The following NOTCH2 variants were observed in gnomAD, a reference collection of about 807,000 sequenced individuals.
NOTCH2 encodes the protein notch receptor 2.
Under a neutral mutation model 235.8 loss-of-function variants are expected in NOTCH2, and 29 were observed. The observed-to-expected ratio is 0.12, with a 90% CI of 0.09 to 0.17. The LOEUF is 0.17. Ranked by LOEUF, NOTCH2 falls within the 10% of genes least tolerant of loss-of-function variation. The probability of loss-of-function intolerance (pLI) is 1.00; values close to 1 mark genes in which losing one functional copy is unlikely to be tolerated. For synonymous variants in NOTCH2, 1,086 were observed against 1,141.5 expected (o/e 0.95, Z 0.98); for missense variants, 2,285 against 3,150.2 (o/e 0.73, Z 6.57).
In NOTCH2 at chr1:119,916,363, G is replaced by A. The variant is rs2101144408; in HGVS notation, c.6359C>T (p.Ala2120Val). Residue 2120 changes from alanine (A) to valine (V), a missense_variant, in exon 34 of 34, where the codon GCC (alanine) becomes GTC (valine). Around this residue, in one of 6 missense-constraint regions of NOTCH2, gnomAD observed 504 missense variants for 538.0 expected, o/e 0.94. Coordinates refer to ENST00000256646, the MANE Select transcript of NOTCH2 (RefSeq NM_024408.4). ...ACCCTTGGCATCCTTTGCCTCCTTGGCAAGGTTAGGGAGGCTAGTAGGCAT... is the reference window on the plus strand; with the variant it reads ...ACCCTTGGCATCCTTTGCCTCCTTGACAAGGTTAGGGAGGCTAGTAGGCAT... The part of the protein sequence containing the change: ...STMPTSLPNL[A>V]KEAKDAKGSR... 1 of 1,614,160 alleles carries A rather than the reference G, an allele frequency of 6.2e-7. No homozygotes were observed. The highest frequency in any genetic ancestry group is 8.5e-7 in the Non-Finnish European group (1 of 1,180,022).
chr1:119,920,491 TC>T, intron 29 of NOTCH2, 94 bp from the exon 30 acceptor site: 2 of 1,364,684 alleles, frequency 1.5e-6, no homozygotes, highest in Non-Finnish European at 2.1e-6. Context: ...GCTGCTTATC[TC>T]CCATTGTTTT....
chr1:119,945,123 T>C (rs1160588487), intron 17 of NOTCH2, among the ~76,000 whole-genome samples: 5 of 152,130 alleles, frequency 3.3e-5, no homozygotes, highest in Admixed American at 2.0e-4. Flanking sequence ...TTCTCCTCTA[T>C]ATGAAGTGGT....
At position 119,949,270 on chromosome 1, in the gene NOTCH2, A is replaced by G. The variant is rs1650371489; in HGVS notation, c.2480-144T>C. 4.8e-6 allele frequency: 4 copies of G among 825,722 alleles called. No homozygotes were observed. In the Admixed American group the frequency reaches 8.3e-5, roughly 17 times the overall value. 51.1% of individuals were successfully genotyped at this position (825,722 alleles called of 1,614,324 possible). A position where few individuals can be genotyped will look rare whatever the true frequency, so the allele number is the denominator to read the frequency against. ...TGGAGAAGCCCATGATCTTTCCAGC[A>G]TTGGCTCTGATATTGTTAACTGTGT... On this transcript the variant is annotated intron_variant, in intron 15 of 33. Coordinates refer to ENST00000256646, the MANE Select transcript of NOTCH2 (RefSeq NM_024408.4).
chr1:119,987,478 T>C (rs587699143), intron 4 of NOTCH2, among the ~76,000 whole-genome samples: 1 of 152,314 alleles, frequency 6.6e-6, no homozygotes, highest in Non-Finnish European at 1.5e-5. Flanking sequence ...CCTAATTAAA[T>C]TTAAGTTCCT....
Position 119,925,787 on chromosome 1 carries a change from C to G in NOTCH2, c.4029G>C (p.Gln1343His), listed in dbSNP as rs1299994808. 1 of 1,614,046 alleles carries G rather than the reference C, an allele frequency of 6.2e-7. No individual in the cohort carries two copies. The highest frequency in any genetic ancestry group is 8.5e-7 in the Non-Finnish European group (1 of 1,180,050). Residue 1343 changes from glutamine (Q) to histidine (H), a missense_variant, in exon 25 of 34, where the codon CAG becomes CAC. Gln to His is a conservative substitution (Grantham distance 24, BLOSUM62 0). Coordinates refer to ENST00000256646, the MANE Select transcript of NOTCH2 (RefSeq NM_024408.4). ...CPPGFSGARC[Q>H]SSCGQVKCRK... Reference sequence around the variant, plus strand: ...TACATTTCACTTGTCCACAGCTGCTCTGGCACCTTGCCCCGGAAAATCCCT... The same window carrying G: ...TACATTTCACTTGTCCACAGCTGCTGTGGCACCTTGCCCCGGAAAATCCCT...
At position 119,966,500 on chromosome 1, in the gene NOTCH2, C is replaced by A. The variant is rs781975437; in HGVS notation, c.1454-11G>T. ...GCACACCTTTGAAACCTAAACAAAA[C>A]AGACCACACAAGTGGCTTAAAGAGA... On this transcript the variant is annotated splice_polypyrimidine_tract_variant and intron_variant, in intron 8 of 33. Transcript: ENST00000256646. The A allele has an allele frequency of 3.1e-6, 5 of 1,587,588 alleles. No homozygotes were observed. Among genetic ancestry groups the A allele is most frequent in the Non-Finnish European group, 4.3e-6 (5 of 1,155,968 alleles).
At chr1:119,982,098 C>T (rs1285682584) in intron 5 of NOTCH2, among the ~76,000 whole-genome samples, 1 of 152,118 alleles carries the variant, frequency 6.6e-6, no homozygotes, top group Non-Finnish European at 1.5e-5. Flanking sequence ...AGCTCATGCA[C>T]CACCTCTGGC....
rs1553198250 is a variant in NOTCH2 at position 119,955,117 on chromosome 1, G to C, written c.2142C>G (p.His714Gln). 3 of 1,614,058 alleles carry C rather than the reference G, an allele frequency of 1.9e-6. No homozygotes were observed. The African/African-American group carries it at 4.0e-5, about 22-fold the overall frequency. The change falls in exon 13 of 34, where the codon CAC (histidine) becomes CAG (glutamine). Residue 714 changes from histidine (H) to glutamine (Q), a missense_variant. His to Gln is a conservative substitution (Grantham distance 24, BLOSUM62 0). Around this residue, in one of 6 missense-constraint regions of NOTCH2, gnomAD observed 1,173 missense variants for 1,515.3 expected, o/e 0.77. Transcript: ENST00000256646. ...CGTTCACCTGTGAGTAGCAGCTGGG[G>C]TGATGGGGTCCCTCGGGGCATATAC... is the stretch of plus-strand genomic sequence containing the variant. ...FRCICPEGPH[H>Q]PSCYSQVNEC...
chr1:119,950,867 G>A, intron 14 of NOTCH2, 30 bp from the exon 15 acceptor site: 1 of 1,403,558 alleles, frequency 7.1e-7, no homozygotes, highest in Non-Finnish European at 1.0e-6. Flanking sequence ...ACCAAAAACA[G>A]TAAAACTTTC....
At chr1:119,958,612 G>A (rs1424840084) in intron 12 of NOTCH2, among the ~76,000 whole-genome samples, 2 of 152,198 alleles carry the variant, frequency 1.3e-5, no homozygotes, top group Non-Finnish European at 2.9e-5. Context: ...AAACTCAGGT[G>A]TGTCAGTGAG....
At chr1:120,064,638 A>T (rs1655434030) in intron 1 of NOTCH2, among the ~76,000 whole-genome samples, 1 of 150,018 alleles carries the variant, frequency 6.7e-6, no homozygotes, top group Non-Finnish European at 1.5e-5. Context: ...GCCCTCAAGG[A>T]TCAAAATCAT....
chr1:120,069,479 A>G lies in NOTCH2; in HGVS notation c.-73T>C. On this transcript the variant is annotated 5_prime_UTR_variant, in exon 1 of 34. Transcript: ENST00000256646. ...ATCCACATGGGGAGGGGGTCCCGAT[A>G]GAGGAGCCCCACTCTCTCCTCCCCT... The G allele has an allele frequency of 6.7e-7, 1 of 1,495,918 alleles. No homozygotes were observed. 92.7% of individuals were successfully genotyped at this position (1,495,918 alleles called of 1,614,324 possible).
chr1:119,984,302 T>C (rs1553201990), intron 5 of NOTCH2, among the ~76,000 whole-genome samples: 1 of 152,152 alleles, frequency 6.6e-6, no homozygotes, highest in East Asian at 1.9e-4. Flanking sequence ...AGACTACAGA[T>C]TTGAGCAAAG....
At chr1:119,966,549 G>A in intron 8 of NOTCH2, 60 bp from the exon 9 acceptor site, 1 of 1,219,328 alleles carries the variant, frequency 8.2e-7, no homozygotes, top group Non-Finnish European at 1.2e-6. Context: ...TCCAGACAAG[G>A]AAGCACAAAT....
intron 12 of NOTCH2, among the ~76,000 whole-genome samples, chr1:119,958,709 A>G (rs1650805738): frequency 8.8e-6 from 1 of 113,594 alleles, no homozygotes; most frequent in African/African-American, 3.8e-5. Context: ...GTAAAGAGAG[A>G]GAAGATGTGT....
chr1:119,966,360 G>A lies in NOTCH2; in HGVS notation c.1567+16C>T, dbSNP rs781996693. 1 of 1,571,698 alleles carries A rather than the reference G, an allele frequency of 6.4e-7. No individual in the cohort carries two copies. The highest frequency in any genetic ancestry group is 8.8e-7 in the Non-Finnish European group (1 of 1,141,254). On this transcript the variant is annotated intron_variant, in intron 9 of 33. Coordinates refer to ENST00000256646, the MANE Select transcript of NOTCH2 (RefSeq NM_024408.4). ...TGTGCTTTAAGAGAAAACAGGGCCAGGTCGTGGGCACTTACCAGGAGGACA... is the reference window on the plus strand; with the variant it reads ...TGTGCTTTAAGAGAAAACAGGGCCAAGTCGTGGGCACTTACCAGGAGGACA...
intron 3 of NOTCH2, among the ~76,000 whole-genome samples, chr1:119,998,652 AT>A (rs1652577967): frequency 6.6e-6 from 1 of 152,086 alleles, no homozygotes; most frequent in Non-Finnish European, 1.5e-5. Flanking sequence ...GTCACTTATT[AT>A]TTAAACTACA....
chr1:119,928,561 TG>T (rs112989769), intron 23 of NOTCH2, among the ~76,000 whole-genome samples: 5,690 of 152,230 alleles, frequency 0.037, 357 homozygotes, highest in African/African-American at 0.13. Context: ...TGTGAATGAA[TG>T]GGGGTGATAG....
In NOTCH2 at chr1:119,950,340, CA is replaced by C. The variant is rs1650422642; in HGVS notation, c.2479+383del. 7.0e-5 allele frequency: 26 copies of C among 371,768 alleles called. 1 individual carries two copies. The highest frequency in any genetic ancestry group is 5.4e-4 in the South Asian group (26 of 48,208). The allele number at this position is 371,768 out of a possible 1,614,324, so 23.0% of individuals were successfully genotyped here. On this transcript the variant is annotated intron_variant, in intron 15 of 33. Coordinates refer to ENST00000256646, the MANE Select transcript of NOTCH2 (RefSeq NM_024408.4). The stretch of plus-strand genomic sequence containing the variant: ...GGAATACATTAAATAATCCAAAGTA[CA>C]AAAAGTGTCTGGCACATAGTAAATT...
Sources: gnomAD v4.1 joint callset for allele counts (sites outside exome capture counted in the v4.1 genomes callset) on GRCh38, gnomAD v4.1.1 for gene constraint, gnomAD v4.1.1 regional missense constraint, MANE v1.5 for transcripts, NCBI Gene and HGNC (gene_info 2026-07-23, HGNC 2026-07-21) for gene names.